Variants in MUC12 observed in about 807,000 individuals in gnomAD.
MUC12 encodes the protein mucin 12, cell surface associated.
MUC12 carries 172 observed loss-of-function variants against 230.8 expected under a neutral mutation model. The observed-to-expected ratio is 0.75, with a 90% CI of 0.66 to 0.85. MUC12 has a LOEUF of 0.85. MUC12 is among the 40% of genes least tolerant of loss of function. The pLI is 0.00. For missense variants in MUC12, 3,506 were observed against 5,920.6 expected (o/e 0.59, Z 13.38); for synonymous variants, 1,259 against 2,401.9 (o/e 0.52, Z 13.91).
intron 1 of MUC12, among the ~76,000 whole-genome samples, chr7:100,985,035 T>C (rs1272125973): frequency 3.9e-5 from 6 of 151,934 alleles, no homozygotes; most frequent in South Asian, 2.1e-4. Context: ...CCTGGCTAAT[T>C]TTTGTATTTT....
Position 100,992,554 on chromosome 7 carries a change from G to A in MUC12, c.1991G>A (p.Ser664Asn), listed in dbSNP as rs189499726. The A allele has an allele frequency of 1.3e-6, 2 of 1,537,834 alleles. No individual in the cohort carries two copies. Among genetic ancestry groups the A allele is most frequent in the Non-Finnish European group, 1.7e-6 (2 of 1,147,082 alleles). The change falls in exon 2 of 12, where the codon AGC (serine) becomes AAC (asparagine). Residue 664 changes from serine (S) to asparagine (N), a missense_variant. Transcript: ENST00000536621. Reference protein sequence around the residue: ...FVEPSTTSHGSPSSIPTTHIS... With the variant: ...FVEPSTTSHGNPSSIPTTHIS... ...GAGCCATCTACAACCTCCCACGGCA[G>A]CCCGAGCTCAATTCCAACAACCCAC...
At position 101,013,863 on chromosome 7, in the gene MUC12, T is replaced by G. The variant is rs1793876170; in HGVS notation, c.15639-50T>G. ...GAGAGTGGGTTAACCCTTGGGATAT[T>G]GGATGTGAGGGATCCCAGGGGATCA... On this transcript the variant is annotated intron_variant, in intron 8 of 11. Coordinates refer to ENST00000536621, the MANE Select transcript of MUC12 (RefSeq NM_001164462.2). 4 of 1,493,588 alleles carry G rather than the reference T, an allele frequency of 2.7e-6. No homozygotes were observed. In the Admixed American group the frequency reaches 8.4e-5, roughly 31 times the overall value. The allele number at this position is 1,493,588 out of a possible 1,614,324, so 92.5% of individuals were successfully genotyped here.
intron 8 of MUC12, 134 bp from the exon 9 acceptor site, chr7:101,013,779 C>T: frequency 1.8e-6 from 2 of 1,088,444 alleles, no homozygotes; most frequent in Non-Finnish European, 2.5e-6. Context: ...GGGACCCAGG[C>T]TCTCTGGGGG....
At chr7:100,970,565 AG>A (rs1341522870) in intron 1 of MUC12, among the ~76,000 whole-genome samples, 1 of 151,978 alleles carries the variant, frequency 6.6e-6, no homozygotes, top group East Asian at 1.9e-4. Context: ...GAAGAAAGAA[AG>A]AAAGAAAAGG....
chr7:101,007,855 TG>T (rs1422618298), intron 3 of MUC12, among the ~76,000 whole-genome samples: 2 of 150,710 alleles, frequency 1.3e-5, no homozygotes, highest in African/African-American at 4.9e-5. Flanking sequence ...TGGAGTGCAG[TG>T]GCATGATCTC....
At position 100,995,656 on chromosome 7, in the gene MUC12, C is replaced by G. The variant is rs1464001965; in HGVS notation, c.5093C>G (p.Thr1698Ser). 36 of 1,537,080 alleles carry G rather than the reference C, an allele frequency of 2.3e-5. No homozygotes were observed. The highest frequency in any genetic ancestry group is 2.9e-5 in the Non-Finnish European group (33 of 1,147,082). Reference protein sequence around the residue: ...TFQSWPSSKDTMPAPPTTTSA... With the variant: ...TFQSWPSSKDSMPAPPTTTSA... ...CAGAGCTGGCCAAGCTCAAAGGACA[C>G]TATGCCTGCACCTCCTACTACCACA... The change falls in exon 2 of 12, where the codon ACT (threonine) becomes AGT (serine). Residue 1698 changes from threonine (T) to serine (S), a missense_variant. Thr to Ser is a moderately conservative substitution (Grantham distance 58). Transcript: ENST00000536621.
Position 101,005,190 on chromosome 7 carries a change from A to T in MUC12, c.14627A>T (p.Gln4876Leu), listed in dbSNP as rs951141685. The change falls in exon 2 of 12, where the codon CAA becomes CTA. Residue 4876 changes from glutamine to leucine, a missense_variant. Physicochemically the swap from Gln to Leu is moderately radical, Grantham distance 113. Coordinates refer to ENST00000536621, the MANE Select transcript of MUC12 (RefSeq NM_001164462.2). ...AGCAACACAATGTCCATTCATAGTC[A>T]ACAATCTACACCCTTCCCTGACAGC... ...SHSNTMSIHSQQSTPFPDSPG... is the reference protein window; with the variant it reads ...SHSNTMSIHSLQSTPFPDSPG... The T allele has an allele frequency of 6.5e-7, 1 of 1,537,446 alleles. No homozygotes were observed. The highest frequency in any genetic ancestry group is 2.0e-5 in the Admixed American group (1 of 50,956).
chr7:100,995,168 AC>A lies in MUC12; in HGVS notation c.4607del (p.Pro1536LeufsTer9). ...CAGGCTCAACGGAAACAACAGCGTT[AC>A]CTGGCAGTACCACAACAGCAGGCCT... Reference protein sequence around the residue: ...SSGSTETTALPGSTTTAGLSE... With the variant: ...SSGSTETTALXGSTTTAGLSE... On this transcript the variant is annotated frameshift_variant, in exon 2 of 12. Coordinates refer to ENST00000536621, the MANE Select transcript of MUC12 (RefSeq NM_001164462.2). LOFTEE classifies it high-confidence loss of function. 1 of 1,120,018 alleles carries A rather than the reference AC, an allele frequency of 8.9e-7. No individual in the cohort carries two copies. The highest frequency in any genetic ancestry group is 1.5e-5 in the South Asian group (1 of 68,946). 69.4% of individuals were successfully genotyped at this position (1,120,018 alleles called of 1,614,324 possible). A position where few individuals can be genotyped will look rare whatever the true frequency, so the allele number is the denominator to read the frequency against.
chr7:100,995,761 C>G lies in MUC12; in HGVS notation c.5198C>G (p.Thr1733Arg). The G allele has an allele frequency of 1.3e-6, 2 of 1,533,060 alleles. No individual in the cohort carries two copies. Among genetic ancestry groups the G allele is most frequent in the Non-Finnish European group, 1.7e-6 (2 of 1,145,680 alleles). The allele number at this position is 1,533,060 out of a possible 1,614,324, so 95.0% of individuals were successfully genotyped here. Reference protein sequence around the residue: ...TPTTHFSASSTTLGRSEESTT... With the variant: ...TPTTHFSASSRTLGRSEESTT... ...ACAACCCACTTTTCTGCCAGCTCCA[C>G]AACCTTGGGCCGTAGTGAGGAATCG... The change falls in exon 2 of 12, where the codon ACA becomes AGA. Residue 1733 changes from threonine (T) to arginine (R), a missense_variant. Coordinates refer to ENST00000536621, the MANE Select transcript of MUC12 (RefSeq NM_001164462.2).
At position 101,002,759 on chromosome 7, in the gene MUC12, GC is replaced by G. The variant is rs763555462; in HGVS notation, c.12198del (p.Ser4067AlafsTer118). On this transcript the variant is annotated frameshift_variant, in exon 2 of 12. Coordinates refer to ENST00000536621, the MANE Select transcript of MUC12 (RefSeq NM_001164462.2). LOFTEE classifies it high-confidence loss of function. ...CTCGCTACACACAACACTGACCCCTGCCAGCTCCACAAGCACTGGCCTTCAG... is the reference window on the plus strand; with the variant it reads ...CTCGCTACACACAACACTGACCCCTGCAGCTCCACAAGCACTGGCCTTCAG... ...TGSLHTTLTP[A>X]SSTSTGLQEE... The G allele has an allele frequency of 7.9e-7, 1 of 1,269,802 alleles. No individual in the cohort carries two copies. Among genetic ancestry groups the G allele is most frequent in the South Asian group, 1.3e-5 (1 of 78,464 alleles). 78.7% of individuals were successfully genotyped at this position (1,269,802 alleles called of 1,614,324 possible). A position where few individuals can be genotyped will look rare whatever the true frequency, so the allele number is the denominator to read the frequency against.
Position 101,009,829 on chromosome 7 carries a change from C to T in MUC12, c.15251+670C>T, listed in dbSNP as rs115602905. Reference sequence around the variant, plus strand: ...AGGGCAGATTCCAGGAACCTAAAGACGCTCAGAACGGCTGGGTGCTTAAGA... The same window carrying T: ...AGGGCAGATTCCAGGAACCTAAAGATGCTCAGAACGGCTGGGTGCTTAAGA... On this transcript the variant is annotated intron_variant, in intron 5 of 11. Coordinates refer to ENST00000536621, the MANE Select transcript of MUC12 (RefSeq NM_001164462.2). 4.0e-3 allele frequency among the ~76,000 whole-genome samples: 614 copies of T among 152,144 alleles called. 2 individuals carry two copies. Among genetic ancestry groups the T allele is most frequent in the African/African-American group, 0.014 (584 of 41,502 alleles).
chr7:100,988,218 C>T (rs1793223787), intron 1 of MUC12, among the ~76,000 whole-genome samples: 1 of 149,868 alleles, frequency 6.7e-6, no homozygotes, highest in Non-Finnish European at 1.5e-5. Flanking sequence ...ATCACTTGAA[C>T]CCAGGAGGCG....
intron 1 of MUC12, chr7:100,972,184 T>C (rs1249144135): frequency 1.4e-6 from 1 of 703,278 alleles, no homozygotes; most frequent in African/African-American, 1.7e-5. Flanking sequence ...AGGAGATCTG[T>C]GTAAGGAAGT....
intron 1 of MUC12, chr7:100,973,059 G>A (rs780336817): frequency 2.4e-5 from 17 of 702,038 alleles, no homozygotes; most frequent in South Asian, 1.8e-4. Flanking sequence ...ATTTGTGGAT[G>A]ACAGGAGCAG....
In MUC12 at chr7:100,991,576, T is replaced by C. The variant is rs1486603576; in HGVS notation, c.1013T>C (p.Val338Ala). Residue 338 changes from valine (V) to alanine (A), a missense_variant, in exon 2 of 12, where the codon GTT becomes GCT. Transcript: ENST00000536621. ...TCGACACCAGTCCACAGCAGCCCAG[T>C]TGCAACTGCAACAACACCCCCACCT... ...EESTPVHSSPVATATTPPPAR... is the reference protein window; with the variant it reads ...EESTPVHSSPAATATTPPPAR... 2.6e-6 allele frequency: 4 copies of C among 1,534,136 alleles called. No individual in the cohort carries two copies. Among genetic ancestry groups the C allele is most frequent in the South Asian group, 1.2e-5 (1 of 83,818 alleles).
Position 100,993,397 on chromosome 7 carries a change from C to G in MUC12, c.2834C>G (p.Thr945Ser), listed in dbSNP as rs765205985. Residue 945 changes from threonine (T) to serine (S), a missense_variant, in exon 2 of 12, where the codon ACT becomes AGT. Physicochemically the swap from Thr to Ser is moderately conservative, Grantham distance 58. Transcript: ENST00000536621. ...STTFHSNPGS[T>S]HTTLFPDSTT... ...ACCTTCCACAGCAACCCAGGCTCCACTCACACAACACTCTTCCCTGACAGC... is the reference window on the plus strand; with the variant it reads ...ACCTTCCACAGCAACCCAGGCTCCAGTCACACAACACTCTTCCCTGACAGC... The G allele has an allele frequency of 9.3e-4, 960 of 1,027,506 alleles. 311 individuals carry two copies. The South Asian group carries it at 0.012, about 13-fold the overall frequency. The allele number at this position is 1,027,506 out of a possible 1,614,324, so 63.6% of individuals were successfully genotyped here.
At position 100,995,622 on chromosome 7, in the gene MUC12, A is replaced by G; in HGVS notation, c.5059A>G (p.Thr1687Ala). The G allele has an allele frequency of 6.5e-7, 1 of 1,536,890 alleles. No homozygotes were observed. Among genetic ancestry groups the G allele is most frequent in the South Asian group, 1.2e-5 (1 of 84,048 alleles). ...CTCTACAACACGTCAGGGAGAATCT[A>G]CCACCTTCCAGAGCTGGCCAAGCTC... ...AGSTTRQGES[T>A]TFQSWPSSKD... Residue 1687 changes from threonine (T) to alanine (A), a missense_variant, in exon 2 of 12, where the codon ACC becomes GCC. By Grantham distance (58) the Thr-to-Ala change is moderately conservative. Coordinates refer to ENST00000536621, the MANE Select transcript of MUC12 (RefSeq NM_001164462.2).
At chr7:100,970,323 C>A (rs1319410466) in intron 1 of MUC12, among the ~76,000 whole-genome samples, 1 of 151,962 alleles carries the variant, frequency 6.6e-6, no homozygotes, top group Non-Finnish European at 1.5e-5. Context: ...CCCGTCTCTA[C>A]TAAAAATACA....
In MUC12 at chr7:100,995,619, T is replaced by G; in HGVS notation, c.5056T>G (p.Ser1686Ala). The change falls in exon 2 of 12, where the codon TCT (serine) becomes GCT (alanine). Residue 1686 changes from serine (S) to alanine (A), a missense_variant. By Grantham distance (99) the Ser-to-Ala change is moderately conservative. Transcript: ENST00000536621. ...CGGCTCTACAACACGTCAGGGAGAA[T>G]CTACCACCTTCCAGAGCTGGCCAAG... ...PAGSTTRQGE[S>A]TTFQSWPSSK... 2.0e-6 allele frequency: 3 copies of G among 1,536,688 alleles called. No individual in the cohort carries two copies. Among genetic ancestry groups the G allele is most frequent in the Non-Finnish European group, 2.6e-6 (3 of 1,147,012 alleles).
Sources: gnomAD v4.1 joint callset for allele counts (sites outside exome capture counted in the v4.1 genomes callset) on GRCh38, gnomAD v4.1.1 for gene constraint, MANE v1.5 for transcripts, NCBI Gene and HGNC (gene_info 2026-07-23, HGNC 2026-07-21) for gene names.